RPS6KC1: variants seen among roughly 807,000 people sequenced by gnomAD.
RPS6KC1 encodes the protein ribosomal protein S6 kinase C1, also known as inactive ribosomal protein S6 kinase delta-1.
In RPS6KC1, 54 loss-of-function variants were observed where a neutral mutation model predicts 103.8. That is an observed-to-expected ratio of 0.52 (90% CI 0.42 to 0.65). The LOEUF (loss-of-function observed/expected upper bound fraction) is 0.65, where lower values mean the gene tolerates loss of function less well. Among genes scored for constraint, RPS6KC1 ranks in the 30% least tolerant of loss-of-function variants. The pLI is 0.00. For synonymous variants in RPS6KC1, 439 were observed against 438.7 expected (o/e 1.00, Z -0.01); for missense variants, 1,151 against 1,253.8 (o/e 0.92, Z 1.24).
the RPS6KC1 span, among the ~76,000 whole-genome samples, chr1:213,372,875 A>T: frequency 6.6e-6 from 1 of 151,978 alleles, no homozygotes; most frequent in South Asian, 2.1e-4. Context: ...AAATACATAC[A>T]TATTTAATAT....
chr1:213,271,745 C>A, intron 14 of RPS6KC1, among the ~76,000 whole-genome samples: 1 of 110,956 alleles, frequency 9.0e-6, no homozygotes, highest in Non-Finnish European at 1.7e-5. Flanking sequence ...GCCTGGGCGA[C>A]AGAGCGAAAC....
chr1:213,628,546 A>T, the RPS6KC1 span, among the ~76,000 whole-genome samples: 10 of 152,238 alleles, frequency 6.6e-5, 1 homozygote, highest in South Asian at 2.1e-3. Flanking sequence ...TTACATATGT[A>T]TACATGTGCC....
intron 2 of RPS6KC1, among the ~76,000 whole-genome samples, chr1:213,074,960 C>T (rs1288187994): frequency 7.0e-6 from 1 of 141,920 alleles, no homozygotes. Flanking sequence ...TCATGCCGTT[C>T]TCCTGCCTCA....
the RPS6KC1 span, among the ~76,000 whole-genome samples, chr1:213,411,884 G>A: frequency 2.0e-5 from 3 of 152,330 alleles, no homozygotes; most frequent in South Asian, 2.1e-4. Flanking sequence ...ACCAATGGGC[G>A]TGGGGTGAGA....
At chr1:213,650,984 G>A in the RPS6KC1 span, among the ~76,000 whole-genome samples, 2 of 151,540 alleles carry the variant, frequency 1.3e-5, no homozygotes. Context: ...ACGTGTTGGG[G>A]GTGGGGTGGA....
chr1:213,266,525 TAGAC>T (rs922519539), intron 14 of RPS6KC1, among the ~76,000 whole-genome samples: 9 of 152,172 alleles, frequency 5.9e-5, no homozygotes, highest in Non-Finnish European at 5.9e-5. Context: ...AGTATGAAGT[TAGAC>T]AGATTTGGTA....
chr1:213,585,754 G>A, the RPS6KC1 span, among the ~76,000 whole-genome samples: 1 of 152,142 alleles, frequency 6.6e-6, no homozygotes, highest in African/African-American at 2.4e-5. Context: ...GTCTGCCATG[G>A]AGATGGCAGC....
the RPS6KC1 span, among the ~76,000 whole-genome samples, chr1:213,672,724 G>A: frequency 0.35 from 52,397 of 151,862 alleles, 9,465 homozygotes; most frequent in East Asian, 0.57. Context: ...CATTATTTTC[G>A]GTCCAGAGCT....
At chr1:213,662,119 T>TC in the RPS6KC1 span, among the ~76,000 whole-genome samples, 1 of 151,814 alleles carries the variant, frequency 6.6e-6, no homozygotes, top group Admixed American at 6.6e-5. Context: ...TGACCCCCAC[T>TC]CCCCTCGAGA....
chr1:213,614,369 C>G, the RPS6KC1 span, among the ~76,000 whole-genome samples: 405 of 152,314 alleles, frequency 2.7e-3, no homozygotes, highest in Non-Finnish European at 3.4e-3. Flanking sequence ...TGACCAATAA[C>G]CCAGCTTAAG....
At chr1:213,316,003 G>A in the RPS6KC1 span, among the ~76,000 whole-genome samples, 1 of 152,194 alleles carries the variant, frequency 6.6e-6, no homozygotes, top group Non-Finnish European at 1.5e-5. Context: ...TTCAGGAGGT[G>A]ACATCATCAG....
intron 8 of RPS6KC1, among the ~76,000 whole-genome samples, chr1:213,186,654 C>A (rs2092545047): frequency 6.6e-6 from 1 of 152,128 alleles, no homozygotes. Flanking sequence ...TTTGAGTAAG[C>A]ATTCTAGCCC....
intron 7 of RPS6KC1, 86 bp from the exon 8 acceptor site, chr1:213,176,314 T>C (rs1272127252): frequency 2.9e-6 from 2 of 687,504 alleles, no homozygotes; most frequent in East Asian, 5.5e-5. Flanking sequence ...GAATTTACTT[T>C]CCTTTGGCCT....
chr1:213,830,702 G>A, the RPS6KC1 span, among the ~76,000 whole-genome samples: 2 of 148,244 alleles, frequency 1.3e-5, no homozygotes, highest in East Asian at 2.0e-4. Flanking sequence ...CTCTCAAAAC[G>A]ATATTGAATC....
At chr1:213,855,958 G>T in the RPS6KC1 span, among the ~76,000 whole-genome samples, 352 of 152,308 alleles carry the variant, frequency 2.3e-3, 1 homozygote, top group African/African-American at 7.6e-3. Context: ...TCTTTTCCAT[G>T]CCTCCTGTCT....
the RPS6KC1 span, among the ~76,000 whole-genome samples, chr1:213,577,086 C>T: frequency 6.6e-6 from 1 of 152,156 alleles, no homozygotes. Context: ...AATTGTAGAT[C>T]TCATAATCCC....
the RPS6KC1 span, among the ~76,000 whole-genome samples, chr1:213,376,084 CTGTGTGTG>C: frequency 0.06 from 8,483 of 140,286 alleles, 360 homozygotes; most frequent in African/African-American, 0.1. Flanking sequence ...CTCGTGACAA[CTGTGTGTG>C]TGTGTGTGTG....
the RPS6KC1 span, among the ~76,000 whole-genome samples, chr1:213,576,865 T>G: frequency 6.6e-6 from 1 of 152,142 alleles, no homozygotes; most frequent in Non-Finnish European, 1.5e-5. Context: ...AAGTTACAAA[T>G]GCAAAGAAGT....
intron 8 of RPS6KC1, among the ~76,000 whole-genome samples, chr1:213,228,550 C>T (rs1318031932): frequency 6.6e-6 from 1 of 151,378 alleles, no homozygotes; most frequent in East Asian, 2.0e-4. Context: ...TATGGTGAGA[C>T]CCCTGTCTTA....
Sources: gnomAD v4.1 joint callset for allele counts (sites outside exome capture counted in the v4.1 genomes callset) on GRCh38, gnomAD v4.1.1 for gene constraint, MANE v1.5 for transcripts, NCBI Gene and HGNC (gene_info 2026-07-23, HGNC 2026-07-21) for gene names.